PDE4D: variants seen among roughly 807,000 people sequenced by gnomAD.
The protein encoded by PDE4D is 3',5'-cyclic-AMP phosphodiesterase 4D.
Under a neutral mutation model 87.4 loss-of-function variants are expected in PDE4D, and 24 were observed. The observed-to-expected ratio is 0.27, with a 90% CI of 0.20 to 0.39. PDE4D has a LOEUF of 0.39. Ranked by LOEUF, PDE4D falls within the 10% of genes least tolerant of loss-of-function variation. PDE4D has a pLI of 1.00. For missense variants in PDE4D, 714 were observed against 1,041.0 expected (o/e 0.69, Z 4.32); for synonymous variants, 384 against 383.2 (o/e 1.00, Z -0.02).
At chr5:60,152,913 T>C (rs553167850) in intron 2 of PDE4D, among the ~76,000 whole-genome samples, 13 of 152,346 alleles carry the variant, frequency 8.5e-5, no homozygotes, top group Admixed American at 5.2e-4. Context: ...AATTGTACCA[T>C]CTCTTTCATT....
intron 3 of PDE4D, among the ~76,000 whole-genome samples, chr5:59,907,359 T>C (rs903110695): frequency 1.3e-5 from 2 of 152,206 alleles, no homozygotes; most frequent in African/African-American, 4.8e-5. Flanking sequence ...TGTTCTCATT[T>C]ATAAGTGGGA....
chr5:60,029,000 G>T (rs1766944613), intron 2 of PDE4D, among the ~76,000 whole-genome samples: 1 of 152,178 alleles, frequency 6.6e-6, no homozygotes, highest in Admixed American at 6.5e-5. Flanking sequence ...CAGTATAACT[G>T]GTTAGATACA....
chr5:59,931,948 G>A (rs1220860148), intron 3 of PDE4D, among the ~76,000 whole-genome samples: 9 of 152,062 alleles, frequency 5.9e-5, no homozygotes, highest in African/African-American at 9.7e-5. Flanking sequence ...TAATCTGCCC[G>A]CCTTGGCCTC....
chr5:60,428,881 G>A (rs1243685420), intron 1 of PDE4D, among the ~76,000 whole-genome samples: 1 of 152,204 alleles, frequency 6.6e-6, no homozygotes, highest in Non-Finnish European at 1.5e-5. Context: ...TCAAAGTCAT[G>A]CTGAGAACCA....
chr5:60,279,457 T>G lies in PDE4D; in HGVS notation c.-89-93770A>C, dbSNP rs546634029. Among the ~76,000 whole-genome samples the G allele has an allele frequency of 1.2e-4, 18 of 152,148 alleles. No individual in the cohort carries two copies. The South Asian group carries it at 3.5e-3, about 30-fold the overall frequency. On this transcript the variant is annotated intron_variant, in intron 1 of 16. Coordinates refer to the PDE4D transcript ENST00000502484. ...TGGACATTGGGGTACTTCATCAGAA[T>G]CTCAAAAAAGTAAAAACCTAAGCTC... is the stretch of plus-strand genomic sequence containing the variant.
chr5:60,246,137 A>G (rs949605450), intron 1 of PDE4D, among the ~76,000 whole-genome samples: 30 of 151,824 alleles, frequency 2.0e-4, no homozygotes, highest in African/African-American at 7.0e-4. Context: ...TTTCTTATAT[A>G]GGCATTTAAA....
chr5:59,763,406 T>TA (rs1313572919), intron 1 of PDE4D, among the ~76,000 whole-genome samples: 1 of 143,684 alleles, frequency 7.0e-6, no homozygotes, highest in Non-Finnish European at 1.5e-5. Context: ...AATTATAACT[T>TA]AAGTGATTAT....
At chr5:60,267,940 C>T (rs1750391425) in intron 1 of PDE4D, among the ~76,000 whole-genome samples, 1 of 152,184 alleles carries the variant, frequency 6.6e-6, no homozygotes, top group Admixed American at 6.5e-5. Flanking sequence ...CAAAGGCTGG[C>T]TCTGGGGTGC....
intron 1 of PDE4D, chr5:59,768,533 T>C (rs1452997687): frequency 6.3e-7 from 1 of 1,596,316 alleles, no homozygotes; most frequent in African/African-American, 1.3e-5. Flanking sequence ...TTTGTACAGC[T>C]GGCAAGAATC....
intron 1 of PDE4D, among the ~76,000 whole-genome samples, chr5:59,378,980 T>TTGTG (rs3061658): frequency 2.7e-5 from 4 of 149,410 alleles, no homozygotes; most frequent in African/African-American, 9.9e-5. Flanking sequence ...GTGTGTGTGT[T>TTGTG]TGTGTGTGTG....
intron 2 of PDE4D, among the ~76,000 whole-genome samples, chr5:60,115,235 C>T (rs964078636): frequency 3.9e-5 from 6 of 152,060 alleles, no homozygotes; most frequent in African/African-American, 2.4e-5. Context: ...TGTGTGTCAC[C>T]GTCCTTTAAT....
intron 1 of PDE4D, among the ~76,000 whole-genome samples, chr5:59,424,154 T>G (rs957791913): frequency 2.0e-5 from 3 of 152,136 alleles, no homozygotes; most frequent in Non-Finnish European, 4.4e-5. Flanking sequence ...GGAAGGTCCC[T>G]GGGTAATTTT....
intron 1 of PDE4D, among the ~76,000 whole-genome samples, chr5:59,419,788 T>C (rs1184671893): frequency 6.6e-6 from 1 of 152,222 alleles, no homozygotes; most frequent in Non-Finnish European, 1.5e-5. Context: ...GATACATCTT[T>C]TGATGGTAGA....
At chr5:59,826,123 G>A (rs1282666425) in intron 1 of PDE4D, among the ~76,000 whole-genome samples, 1 of 152,136 alleles carries the variant, frequency 6.6e-6, no homozygotes, top group Non-Finnish European at 1.5e-5. Flanking sequence ...CAAATTCAGA[G>A]ACTAAGGAAC....
intron 1 of PDE4D, among the ~76,000 whole-genome samples, chr5:60,498,166 GCACACACACACA>G (rs34436235): frequency 4.2e-5 from 6 of 144,210 alleles, no homozygotes; most frequent in Non-Finnish European, 7.7e-5. Flanking sequence ...ACACACACAT[GCACACACACACA>G]CACACACACA....
At chr5:60,354,031 AG>A (rs1759413422) in intron 1 of PDE4D, among the ~76,000 whole-genome samples, 1 of 152,218 alleles carries the variant, frequency 6.6e-6, no homozygotes, top group South Asian at 2.1e-4. Flanking sequence ...TACTCTCCCA[AG>A]AATCTTAATA....
chr5:60,394,932 C>G (rs1226208590), intron 1 of PDE4D, among the ~76,000 whole-genome samples: 2 of 152,118 alleles, frequency 1.3e-5, no homozygotes, highest in Non-Finnish European at 2.9e-5. Context: ...CTCAGCAACC[C>G]AAGGAATTCT....
intron 1 of PDE4D, among the ~76,000 whole-genome samples, chr5:60,231,987 A>AT (rs1473065200): frequency 6.6e-6 from 1 of 151,926 alleles, no homozygotes; most frequent in Non-Finnish European, 1.5e-5. Flanking sequence ...GCCTTAGTCA[A>AT]TTTTTTAATA....
intron 1 of PDE4D, among the ~76,000 whole-genome samples, chr5:59,600,091 T>G (rs73758820): frequency 0.014 from 2,065 of 152,268 alleles, 41 homozygotes; most frequent in African/African-American, 0.045. Context: ...ATCAAGGCCT[T>G]GGTTTTCTAG....
Sources: gnomAD v4.1 joint callset for allele counts (sites outside exome capture counted in the v4.1 genomes callset) on GRCh38, gnomAD v4.1.1 for gene constraint, MANE v1.5 for transcripts, NCBI Gene and HGNC (gene_info 2026-07-23, HGNC 2026-07-21) for gene names.